Variants in GUCY1A2 observed in about 807,000 individuals in gnomAD.
GUCY1A2 encodes the protein guanylate cyclase soluble subunit alpha-2.
In GUCY1A2, 27 loss-of-function variants were observed where a neutral mutation model predicts 63.5. The observed-to-expected ratio is 0.43, with a 90% confidence interval of 0.31 to 0.59. The LOEUF (loss-of-function observed/expected upper bound fraction) is 0.59, where lower values mean the gene tolerates loss of function less well. Ranked by LOEUF, GUCY1A2 falls within the 20% of genes least tolerant of loss-of-function variation. The probability of loss-of-function intolerance (pLI) is 0.11; values close to 1 mark genes in which losing one functional copy is unlikely to be tolerated. For missense variants in GUCY1A2, 768 were observed against 913.3 expected (o/e 0.84, Z 2.05); for synonymous variants, 364 against 343.5 (o/e 1.06, Z -0.66).
intron 4 of GUCY1A2, among the ~76,000 whole-genome samples, chr11:106,904,136 A>G (rs896909468): frequency 2.0e-5 from 3 of 152,170 alleles, no homozygotes; most frequent in Non-Finnish European, 4.4e-5. Flanking sequence ...ATGTTTTACA[A>G]AAAAATTTAT....
chr11:106,698,138 T>TTTTTTTTTA (rs1555020237), intron 7 of GUCY1A2, among the ~76,000 whole-genome samples: 8 of 145,758 alleles, frequency 5.5e-5, no homozygotes, highest in Non-Finnish European at 7.5e-5. Context: ...TTTTTTTTTT[T>TTTTTTTTTA]AGACAGGGTC....
intron 1 of GUCY1A2, among the ~76,000 whole-genome samples, chr11:107,016,853 T>C (rs960807209): frequency 7.4e-5 from 11 of 149,564 alleles, no homozygotes; most frequent in Admixed American, 2.0e-4. Flanking sequence ...AGAGAATCCA[T>C]TGAGGAGAGA....
intron 1 of GUCY1A2, among the ~76,000 whole-genome samples, chr11:107,002,570 T>G (rs757281355): frequency 6.6e-6 from 1 of 152,164 alleles, no homozygotes; most frequent in African/African-American, 2.4e-5. Flanking sequence ...TTTAGGAGGA[T>G]AGGAGAAAAC....
Position 106,810,307 on chromosome 11 carries a change from T to C in GUCY1A2, c.1378A>G (p.Lys460Glu). ...RDVILVGEQAKAQDGLKKRMD... is the reference protein window; with the variant it reads ...RDVILVGEQAEAQDGLKKRMD... Reference sequence around the variant, plus strand: ...CTTTTCTTCAACCCATCTTGGGCCTTTGCCTGCTCACCAACCAAAATGACA... The same window carrying C: ...CTTTTCTTCAACCCATCTTGGGCCTCTGCCTGCTCACCAACCAAAATGACA... The change falls in exon 5 of 8, where the codon AAG (lysine) becomes GAG (glutamate). Residue 460 changes from lysine (K) to glutamate (E), a missense_variant. Transcript: ENST00000526355. The C allele has an allele frequency of 1.2e-6, 2 of 1,613,938 alleles. No individual in the cohort carries two copies. Among genetic ancestry groups the C allele is most frequent in the Non-Finnish European group, 1.7e-6 (2 of 1,179,898 alleles).
chr11:106,753,257 CTGGAT>C (rs1157349549), intron 6 of GUCY1A2, among the ~76,000 whole-genome samples: 3 of 152,104 alleles, frequency 2.0e-5, no homozygotes, highest in Non-Finnish European at 4.4e-5. Context: ...TTTATAGATT[CTGGAT>C]ATTAGCCCTT....
intron 5 of GUCY1A2, among the ~76,000 whole-genome samples, chr11:106,795,168 C>T (rs1864731752): frequency 6.6e-6 from 1 of 152,082 alleles, no homozygotes; most frequent in African/African-American, 2.4e-5. Context: ...AGTTATGTGA[C>T]AAAGATATAA....
chr11:106,717,073 G>A (rs560934930), intron 6 of GUCY1A2, among the ~76,000 whole-genome samples: 3 of 152,318 alleles, frequency 2.0e-5, no homozygotes, highest in African/African-American at 7.2e-5. Context: ...TAGCCTCTTA[G>A]AGAGCTAGTC....
chr11:106,956,527 A>G (rs1372087051), intron 3 of GUCY1A2, among the ~76,000 whole-genome samples: 2 of 151,692 alleles, frequency 1.3e-5, no homozygotes, highest in Admixed American at 1.3e-4. Flanking sequence ...TCTTTCAATA[A>G]TTGGTCCCTC....
Position 106,730,059 on chromosome 11 carries a change from A to AATATATATATATATATATATATAT in GUCY1A2, c.1837-21417_1837-21394dup, listed in dbSNP as rs60486225. On this transcript the variant is annotated intron_variant, in intron 6 of 7. Transcript: ENST00000526355. ...AAACTGCTTTCTTTAATCAGCATGGAATATATATATATATATATATATATA... is the reference window on the plus strand; with the variant it reads ...AAACTGCTTTCTTTAATCAGCATGGAATATATATATATATATATATATATATATATATATATATATATATATATA... 2.4e-4 allele frequency among the ~76,000 whole-genome samples: 25 copies of AATATATATATATATATATATATAT among 103,344 alleles called. 1 individual carries two copies. Among genetic ancestry groups the AATATATATATATATATATATATAT allele is most frequent in the South Asian group, 7.1e-4 (2 of 2,804 alleles). 67.8% of individuals were successfully genotyped at this position (103,344 alleles called of 152,430 possible).
At chr11:106,693,399 C>T (rs561034443) in intron 7 of GUCY1A2, among the ~76,000 whole-genome samples, 3 of 152,022 alleles carry the variant, frequency 2.0e-5, no homozygotes, top group Non-Finnish European at 4.4e-5. Context: ...TCATCATCAT[C>T]ATCATCATCG....
chr11:106,950,564 C>T (rs1251449946), intron 3 of GUCY1A2, among the ~76,000 whole-genome samples: 1 of 152,114 alleles, frequency 6.6e-6, no homozygotes, highest in Non-Finnish European at 1.5e-5. Context: ...TTACTTTTTA[C>T]CAGTCTCTTA....
intron 6 of GUCY1A2, among the ~76,000 whole-genome samples, chr11:106,745,037 A>T (rs1863763338): frequency 6.6e-6 from 1 of 152,184 alleles, no homozygotes; most frequent in Admixed American, 6.5e-5. Context: ...ATGAAGGAAA[A>T]GAATAAAAAT....
intron 3 of GUCY1A2, among the ~76,000 whole-genome samples, chr11:106,963,768 T>C (rs534406668): frequency 2.0e-5 from 3 of 152,330 alleles, no homozygotes; most frequent in East Asian, 1.9e-4. Flanking sequence ...AACTCACTTA[T>C]GTTTGTTATT....
chr11:106,688,959 A>G (rs1443942704), intron 7 of GUCY1A2, among the ~76,000 whole-genome samples: 2 of 152,214 alleles, frequency 1.3e-5, no homozygotes, highest in Non-Finnish European at 2.9e-5. Flanking sequence ...GCCCTAAACT[A>G]AGAGTTTAGA....
At chr11:106,745,350 T>C (rs1159186794) in intron 6 of GUCY1A2, among the ~76,000 whole-genome samples, 2 of 152,210 alleles carry the variant, frequency 1.3e-5, no homozygotes, top group East Asian at 3.8e-4. Context: ...AAATGAGAAG[T>C]ACTTTGTCTA....
chr11:106,781,463 A>G (rs1313266536), intron 5 of GUCY1A2, among the ~76,000 whole-genome samples: 2 of 152,212 alleles, frequency 1.3e-5, no homozygotes, highest in Non-Finnish European at 2.9e-5. Context: ...GAATTTGCCT[A>G]TCTCAGTTTA....
chr11:106,932,589 T>C (rs1001424958), intron 4 of GUCY1A2, among the ~76,000 whole-genome samples: 1 of 152,038 alleles, frequency 6.6e-6, no homozygotes, highest in African/African-American at 2.4e-5. Flanking sequence ...CAAGATACCA[T>C]CATTATTTTT....
intron 6 of GUCY1A2, among the ~76,000 whole-genome samples, chr11:106,748,144 T>G (rs1863822299): frequency 6.6e-6 from 1 of 152,154 alleles, no homozygotes; most frequent in Non-Finnish European, 1.5e-5. Flanking sequence ...GTGGCTGAAT[T>G]ATGATGACAC....
intron 6 of GUCY1A2, among the ~76,000 whole-genome samples, chr11:106,710,859 A>G (rs1863105156): frequency 6.6e-6 from 1 of 151,920 alleles, no homozygotes. Flanking sequence ...GTAGCCAAAT[A>G]TCACCCCTTC....
Sources: gnomAD v4.1 joint callset for allele counts (sites outside exome capture counted in the v4.1 genomes callset) on GRCh38, gnomAD v4.1.1 for gene constraint, MANE v1.5 for transcripts, NCBI Gene and HGNC (gene_info 2026-07-23, HGNC 2026-07-21) for gene names.